The following FOXP2 variants were observed in gnomAD, a reference collection of about 807,000 sequenced individuals.
The protein encoded by FOXP2 is forkhead box P2.
In FOXP2, 12 loss-of-function variants were observed where a neutral mutation model predicts 115.8. The ratio of observed to expected loss-of-function variants is 0.10; its 90% CI spans 0.07 to 0.17. The LOEUF (loss-of-function observed/expected upper bound fraction) is 0.17, where lower values mean the gene tolerates loss of function less well. Among genes scored for constraint, FOXP2 ranks in the 10% least tolerant of loss-of-function variants. The probability of loss-of-function intolerance (pLI) is 1.00; values close to 1 mark genes in which losing one functional copy is unlikely to be tolerated. For missense variants in FOXP2, 629 were observed against 843.5 expected, an observed-to-expected ratio of 0.75 and a Z score of 3.15; for synonymous variants, 328 against 297.7, an observed-to-expected ratio of 1.10 and a Z score of -1.05.
Position 114,688,107 on chromosome 7 carries a change from AG to A in FOXP2, c.2004-1672del, listed in dbSNP as rs1160373203. ...GAGATAAAACTTTTTCATAAACTTC[AG>A]GGTTTTTTTTTTTTTAATGTGCTTG... On this transcript the variant is annotated intron_variant, in intron 16 of 16. Transcript: ENST00000350908. 3.3e-4 allele frequency among the ~76,000 whole-genome samples: 50 copies of A among 149,834 alleles called. 1 individual carries two copies. Among genetic ancestry groups the A allele is most frequent in the Non-Finnish European group, 1.5e-5 (1 of 67,540 alleles).
intron 2 of FOXP2, among the ~76,000 whole-genome samples, chr7:114,344,857 C>T (rs908739584): frequency 1.3e-5 from 2 of 151,624 alleles, no homozygotes; most frequent in African/African-American, 4.8e-5. Context: ...TTAAAGCATC[C>T]AAATTTTACA....
chr7:114,690,146 T>TTTA lies in FOXP2; in HGVS notation c.*220_*221insTTA. 2.0e-6 allele frequency: 1 copy of TTTA among 504,182 alleles called. No homozygotes were observed. The highest frequency in any genetic ancestry group is 3.6e-6 in the Non-Finnish European group (1 of 277,744). 31.2% of individuals were successfully genotyped at this position (504,182 alleles called of 1,614,324 possible). A position where few individuals can be genotyped will look rare whatever the true frequency, so the allele number is the denominator to read the frequency against. On this transcript the variant is annotated 3_prime_UTR_variant, in exon 17 of 17. Coordinates refer to ENST00000350908, the MANE Select transcript of FOXP2 (RefSeq NM_014491.4). The stretch of plus-strand genomic sequence containing the variant: ...TTCTTCTTCTTTTTTTTTTTTTTTT[T>TTTA]AGAAAAAAAGACAAAAACTGATTTT...
At chr7:114,374,555 G>A (rs1682053501) in intron 2 of FOXP2, among the ~76,000 whole-genome samples, 1 of 152,130 alleles carries the variant, frequency 6.6e-6, no homozygotes, top group African/African-American at 2.4e-5. Flanking sequence ...TAATTAAATG[G>A]GAAGGAAAAA....
chr7:114,136,839 A>C (rs191944103), intron 1 of FOXP2, among the ~76,000 whole-genome samples: 1 of 152,140 alleles, frequency 6.6e-6, no homozygotes, highest in Admixed American at 6.5e-5. Flanking sequence ...CTAACATGAC[A>C]ACATCAATAC....
intron 3 of FOXP2, chr7:114,570,791 T>C (rs1584907914): frequency 1.2e-6 from 2 of 1,606,692 alleles, no homozygotes; most frequent in East Asian, 4.5e-5. Context: ...CTCCTGATTC[T>C]CTTTGTTTAA....
At chr7:114,572,266 T>C (rs1267839800) in intron 3 of FOXP2, among the ~76,000 whole-genome samples, 3 of 151,186 alleles carry the variant, frequency 2.0e-5, no homozygotes, top group African/African-American at 7.3e-5. Context: ...AAATAATGAA[T>C]GTCAAGGATG....
chr7:114,482,617 G>T (rs1053775213), intron 2 of FOXP2, among the ~76,000 whole-genome samples: 1 of 151,210 alleles, frequency 6.6e-6, no homozygotes, highest in Non-Finnish European at 1.5e-5. Flanking sequence ...CTGCTTTTTT[G>T]GTTCTCCATC....
intron 16 of FOXP2, among the ~76,000 whole-genome samples, chr7:114,684,756 A>T (rs1466054997): frequency 6.6e-6 from 1 of 152,182 alleles, no homozygotes; most frequent in Non-Finnish European, 1.5e-5. Flanking sequence ...GTCATTTTTT[A>T]TAAAAGTCAT....
intron 3 of FOXP2, among the ~76,000 whole-genome samples, chr7:114,611,104 G>T (rs1467720545): frequency 6.6e-6 from 1 of 152,180 alleles, no homozygotes; most frequent in African/African-American, 2.4e-5. Flanking sequence ...TAATCAAAAA[G>T]CTAGTGGTGG....
In FOXP2 at chr7:114,216,752, C is replaced by T. The variant is rs193029425; in HGVS notation, c.-102+53664C>T. ...TGTTCAATTTTGTGGATCATTATTA[C>T]GAGATAAAATACTGAGTCTTCCACA... On this transcript the variant is annotated intron_variant, in intron 1 of 17. Transcript: ENST00000634411. 9.9e-5 allele frequency among the ~76,000 whole-genome samples: 15 copies of T among 152,104 alleles called. No individual in the cohort carries two copies. The East Asian group carries it at 2.1e-3, about 22-fold the overall frequency.
rs755451530 is a variant in FOXP2, at chr7:114,629,918, ACAACAACAACAACAGCAG to A, written c.519_536del (p.Gln186_Gln191del). ...AACAGCAGCAACAACAGCAGCAGCAACAACAACAACAACAGCAGCAACAACAGCAGCAGCAGCAGCAAC... is the reference window on the plus strand; with the variant it reads ...AACAGCAGCAACAACAGCAGCAGCAACAACAACAGCAGCAGCAGCAGCAAC... On this transcript the variant is annotated inframe_deletion, in exon 5 of 17. Coordinates refer to ENST00000350908, the MANE Select transcript of FOXP2 (RefSeq NM_014491.4). 6.3e-7 allele frequency: 1 copy of A among 1,590,150 alleles called. No individual in the cohort carries two copies. Among genetic ancestry groups the A allele is most frequent in the African/African-American group, 1.4e-5 (1 of 74,044 alleles).
chr7:114,091,543 A>G (rs1799543710), intron 1 of FOXP2, among the ~76,000 whole-genome samples: 2 of 151,852 alleles, frequency 1.3e-5, no homozygotes, highest in South Asian at 2.1e-4. Flanking sequence ...ATTTATCTAT[A>G]CAGATATTTG....
intron 1 of FOXP2, among the ~76,000 whole-genome samples, chr7:114,281,899 A>T (rs1431704307): frequency 6.6e-6 from 1 of 152,082 alleles, no homozygotes; most frequent in Non-Finnish European, 1.5e-5. Flanking sequence ...TTGAAGGATC[A>T]TTGGCTCCAC....
chr7:114,277,596 A>G (rs1331994105), intron 1 of FOXP2, among the ~76,000 whole-genome samples: 1 of 152,032 alleles, frequency 6.6e-6, no homozygotes, highest in Non-Finnish European at 1.5e-5. Flanking sequence ...AAAAATATAT[A>G]TTTTATAAAA....
intron 1 of FOXP2, among the ~76,000 whole-genome samples, chr7:114,189,997 A>G (rs1209220343): frequency 6.6e-6 from 1 of 152,148 alleles, no homozygotes; most frequent in Non-Finnish European, 1.5e-5. Flanking sequence ...AACAAGGGGA[A>G]AAAAGAAGGC....
Position 114,344,306 on chromosome 7 carries a change from A to G in FOXP2, c.-11+56197A>G, listed in dbSNP as rs547766709. ...AGTAGAAAAACCCTATACCCACTTTAAAAACTTTAAACTGTAGCTCTGTTC... is the reference window on the plus strand; with the variant it reads ...AGTAGAAAAACCCTATACCCACTTTGAAAACTTTAAACTGTAGCTCTGTTC... On this transcript the variant is annotated intron_variant, in intron 2 of 17. Transcript: ENST00000634411. Among the ~76,000 whole-genome samples the G allele has an allele frequency of 2.0e-5, 3 of 151,882 alleles. No individual in the cohort carries two copies. The East Asian group carries it at 5.8e-4, about 29-fold the overall frequency.
upstream of FOXP2, among the ~76,000 whole-genome samples, chr7:114,413,387 T>C (rs1464609736): frequency 6.6e-6 from 1 of 151,280 alleles, no homozygotes; most frequent in Non-Finnish European, 1.5e-5. Flanking sequence ...TTTCATTTGC[T>C]TTGTTCACAA....
intron 1 of FOXP2, among the ~76,000 whole-genome samples, chr7:114,421,616 T>C (rs1793625876): frequency 6.6e-6 from 1 of 151,684 alleles, no homozygotes; most frequent in South Asian, 2.1e-4. Flanking sequence ...CTTAAAATTA[T>C]GTCACTTGGT....
At chr7:114,148,039 GA>G (rs2129148322) in intron 1 of FOXP2, among the ~76,000 whole-genome samples, 1 of 152,294 alleles carries the variant, frequency 6.6e-6, no homozygotes, top group African/African-American at 2.4e-5. Context: ...ACTGCACAGA[GA>G]GGCCAAGACT....
Sources: allele counts gnomAD v4.1 joint callset (sites outside exome capture counted in the v4.1 genomes callset), GRCh38; gene constraint gnomAD v4.1.1; transcripts MANE v1.5; gene names NCBI Gene and HGNC (gene_info 2026-07-23, HGNC 2026-07-21).